NUP214: variants seen among roughly 807,000 people sequenced by gnomAD.
The protein encoded by NUP214 is nucleoporin 214, also known as nuclear pore complex protein Nup214.
NUP214 carries 79 observed loss-of-function variants against 196.2 expected under a neutral mutation model. The ratio of observed to expected loss-of-function variants is 0.40; its 90% CI spans 0.34 to 0.49. NUP214 has a LOEUF of 0.49. Ranked by LOEUF, NUP214 falls within the 20% of genes least tolerant of loss-of-function variation. The probability of loss-of-function intolerance (pLI) is 0.58; values close to 1 mark genes in which losing one functional copy is unlikely to be tolerated. For missense variants in NUP214, 2,468 were observed against 2,539.0 expected, an observed-to-expected ratio of 0.97 and a Z score of 0.60; for synonymous variants, 1,020 against 990.5, an observed-to-expected ratio of 1.03 and a Z score of -0.56.
rs79941555 is a variant in NUP214 at position 131,174,159 on chromosome 9, C to T, written c.2998C>T (p.Arg1000Trp). 4.7e-5 allele frequency: 76 copies of T among 1,613,746 alleles called. No homozygotes were observed. In the African/African-American group the frequency reaches 7.5e-4, roughly 16 times the overall value. The stretch of plus-strand genomic sequence containing the variant: ...CCAGTCTCTGGAGAGTGAAGATGCA[C>T]GGACGTCCTGTAAAGATGACGAGGC... ...VSQSLESEDA[R>W]TSCKDDEAVV... The change falls in exon 22 of 36, where the codon CGG becomes TGG. Residue 1000 changes from arginine to tryptophan, a missense_variant. Transcript: ENST00000359428.
chr9:131,130,132 G>GTTTTTTTTTTTTTTTTTTTTTTTTT (rs1245763919), intron 4 of NUP214, among the ~76,000 whole-genome samples: 1 of 46,552 alleles, frequency 2.1e-5, no homozygotes, highest in Non-Finnish European at 4.3e-5. Flanking sequence ...ATGATTTCTG[G>GTTTTTTTTTTTTTTTTTTTTTTTTT]TTTTGTTTTT....
At chr9:131,170,800 T>TATC (rs1043568251) in intron 21 of NUP214, among the ~76,000 whole-genome samples, 28 of 63,404 alleles carry the variant, frequency 4.4e-4, no homozygotes, top group African/African-American at 1.5e-3. Context: ...TTATTATTAT[T>TATC]ATCATTATTA....
intron 21 of NUP214, among the ~76,000 whole-genome samples, chr9:131,172,118 G>A (rs1832975157): frequency 6.6e-6 from 1 of 150,580 alleles, no homozygotes; most frequent in Non-Finnish European, 1.5e-5. Flanking sequence ...AGATCCCTGA[G>A]GAATCGCCAC....
intron 31 of NUP214, chr9:131,222,494 G>C (rs777082184): frequency 3.6e-6 from 1 of 278,434 alleles, no homozygotes; most frequent in Non-Finnish European, 6.7e-6. Context: ...TTCTACAAAG[G>C]AGCCTTTTCA....
rs772023241 is a variant in NUP214 at position 131,129,403 on chromosome 9, G to A, written c.518G>A (p.Ser173Asn). 1 of 1,614,216 alleles carries A rather than the reference G, an allele frequency of 6.2e-7. No homozygotes were observed. Among genetic ancestry groups the A allele is most frequent in the Non-Finnish European group, 8.5e-7 (1 of 1,180,034 alleles). ...SMVAVCLADG[S>N]IAVLQVTETV... ...GTGGCAGTTTGTCTGGCTGATGGTA[G>A]TATTGCTGTCCTGCAAGTCACGGAA... Residue 173 changes from serine to asparagine, a missense_variant, in exon 4 of 36, where the codon AGT becomes AAT. This residue lies in a region of NUP214 where 392 missense variants were observed against 417.9 expected (regional missense o/e 0.94). Coordinates refer to ENST00000359428, the MANE Select transcript of NUP214 (RefSeq NM_005085.4).
chr9:131,185,911 TG>T (rs1488671972), intron 24 of NUP214, among the ~76,000 whole-genome samples: 1 of 152,258 alleles, frequency 6.6e-6, no homozygotes, highest in Non-Finnish European at 1.5e-5. Flanking sequence ...TTTACTATCA[TG>T]TCACAATTGA....
rs759627259 is a variant in NUP214 at position 131,132,597 on chromosome 9, C to G, written c.665C>G (p.Thr222Ser). Residue 222 changes from threonine (T) to serine (S), a missense_variant and splice_region_variant, in exon 6 of 36, where the codon ACT becomes AGT. By Grantham distance (58) the Thr-to-Ser change is moderately conservative. Around this residue, in one of 5 missense-constraint regions of NUP214, gnomAD observed 392 missense variants for 417.9 expected, o/e 0.94. Transcript: ENST00000359428. ...QNGTVVQYLPTLQEKKVIPCP... is the reference protein window; with the variant it reads ...QNGTVVQYLPSLQEKKVIPCP... ...TTTTCCCCTCCAAATCTCTTTCAGACTTTGCAGGAAAAAAAAGTCATTCCT... is the reference window on the plus strand; with the variant it reads ...TTTTCCCCTCCAAATCTCTTTCAGAGTTTGCAGGAAAAAAAAGTCATTCCT... The G allele has an allele frequency of 6.2e-7, 1 of 1,613,200 alleles. No individual in the cohort carries two copies. The highest frequency in any genetic ancestry group is 8.5e-7 in the Non-Finnish European group (1 of 1,179,380).
In NUP214 at chr9:131,139,277, T is replaced by TGG; in HGVS notation, c.1006-4_1006-3insGG. Reference sequence around the variant, plus strand: ...CTTCTTTTTTTTTTTTTTTTTTTTTTTAGATTAATTGGGAATCTTGGCTAC... The same window carrying TGG: ...CTTCTTTTTTTTTTTTTTTTTTTTTTGGTAGATTAATTGGGAATCTTGGCTAC... On this transcript the variant is annotated splice_region_variant and splice_polypyrimidine_tract_variant and intron_variant, in intron 9 of 35. Coordinates refer to ENST00000359428, the MANE Select transcript of NUP214 (RefSeq NM_005085.4). The TGG allele has an allele frequency of 7.0e-7, 1 of 1,427,306 alleles. No individual in the cohort carries two copies. Among genetic ancestry groups the TGG allele is most frequent in the Non-Finnish European group, 9.2e-7 (1 of 1,092,850 alleles). 88.4% of individuals were successfully genotyped at this position (1,427,306 alleles called of 1,614,324 possible).
intron 19 of NUP214, 137 bp from the exon 20 acceptor site, chr9:131,163,733 C>T: frequency 5.8e-6 from 4 of 684,682 alleles, no homozygotes. Flanking sequence ...TTAATTCCAT[C>T]AGTTGGTCAG....
At chr9:131,130,671 C>T (rs146091639) in intron 4 of NUP214, 95 bp from the exon 5 acceptor site, 28,654 of 1,143,438 alleles carry the variant, frequency 0.025, 440 homozygotes, top group South Asian at 0.029. Context: ...CATGGACTGA[C>T]AGAGGAATGA....
chr9:131,170,277 C>T (rs1213038195), intron 21 of NUP214, among the ~76,000 whole-genome samples: 1 of 152,104 alleles, frequency 6.6e-6, no homozygotes, highest in Non-Finnish European at 1.5e-5. Context: ...CCGTTGCACT[C>T]CAGCTTGGGC....
rs759124849 is a variant in NUP214 at position 131,150,324 on chromosome 9, G to A, written c.2041G>A (p.Ala681Thr). 11 of 1,613,890 alleles carry A rather than the reference G, an allele frequency of 6.8e-6. No individual in the cohort carries two copies. The Admixed American group carries it at 1.8e-4, about 27-fold the overall frequency. Reference sequence around the variant, plus strand: ...TTTAAACCTTTTCCTTCCATTTCAGGCAAAGTCACTTCAGCCTGCTGTTGC... The same window carrying A: ...TTTAAACCTTTTCCTTCCATTTCAGACAAAGTCACTTCAGCCTGCTGTTGC... ...PPAAKPGSPQ[A>T]KSLQPAVAEK... Residue 681 changes from alanine to threonine, a missense_variant and splice_region_variant, in exon 15 of 36, where the codon GCA becomes ACA. This residue lies in a region of NUP214 where 1,801 missense variants were observed against 1,779.4 expected (regional missense o/e 1.01). Transcript: ENST00000359428.
rs1045443827 is a variant in NUP214, at chr9:131,152,399, G to A, written c.2436+505G>A. Among the ~76,000 whole-genome samples the A allele has an allele frequency of 3.9e-5, 6 of 152,188 alleles. No individual in the cohort carries two copies. The East Asian group carries it at 5.8e-4, about 15-fold the overall frequency. ...GCCTCCCAAAGTGCTGGAATTACAC[G>A]CGTGACTGGCCAAAATTTTTTATTA... On this transcript the variant is annotated intron_variant, in intron 17 of 35. Transcript: ENST00000359428.
chr9:131,228,320 A>G lies in NUP214; in HGVS notation c.6063A>G (p.Ala2021=). The change falls in exon 33 of 36, where the codon GCA becomes GCG. Residue 2021 remains alanine (A), a synonymous_variant. Coordinates refer to ENST00000359428, the MANE Select transcript of NUP214 (RefSeq NM_005085.4). ...VFGEGTAAAS[A]GGFGFGSSSN... ...GAGAGGGCACTGCAGCTGCCAGCGCAGGAGGATTCGGGTAAGCCCCCTGGG... is the reference window on the plus strand; with the variant it reads ...GAGAGGGCACTGCAGCTGCCAGCGCGGGAGGATTCGGGTAAGCCCCCTGGG... 1.9e-6 allele frequency: 3 copies of G among 1,586,472 alleles called. No individual in the cohort carries two copies. Among genetic ancestry groups the G allele is most frequent in the Non-Finnish European group, 2.6e-6 (3 of 1,169,986 alleles).
chr9:131,166,273 A>G (rs1250766845), intron 21 of NUP214, among the ~76,000 whole-genome samples: 1 of 152,222 alleles, frequency 6.6e-6, no homozygotes, highest in Non-Finnish European at 1.5e-5. Context: ...CCTGTTGCTA[A>G]TCTTGTTGCC....
chr9:131,180,100 C>A (rs1380986310), intron 24 of NUP214, among the ~76,000 whole-genome samples: 4 of 152,172 alleles, frequency 2.6e-5, no homozygotes, highest in African/African-American at 9.7e-5. Flanking sequence ...CTGAGCTGAT[C>A]TTTGATGAAG....
chr9:131,144,156 T>G, intron 11 of NUP214, 124 bp from the exon 12 acceptor site: 1 of 774,250 alleles, frequency 1.3e-6, no homozygotes. Context: ...GTGTTCTTTT[T>G]GCTTCTTAAA....
At chr9:131,186,096 G>T (rs759861514) in intron 24 of NUP214, among the ~76,000 whole-genome samples, 8 of 152,130 alleles carry the variant, frequency 5.3e-5, no homozygotes, top group Non-Finnish European at 1.0e-4. Context: ...TACTGCTCAG[G>T]GCCCAGCAGT....
At chr9:131,174,374 A>G in intron 22 of NUP214, 56 bp downstream of exon 22, 2 of 1,556,376 alleles carry the variant, frequency 1.3e-6, no homozygotes, top group South Asian at 2.4e-5. Flanking sequence ...CTAACTAATG[A>G]CGGAATTGTA....
Sources: allele counts gnomAD v4.1 joint callset (sites outside exome capture counted in the v4.1 genomes callset), GRCh38; gene constraint gnomAD v4.1.1; regional missense constraint gnomAD v4.1.1; transcripts MANE v1.5; gene names NCBI Gene and HGNC (gene_info 2026-07-23, HGNC 2026-07-21).